The following DACH1 variants were observed in gnomAD, a reference collection of about 807,000 sequenced individuals.
DACH1 encodes the protein dachshund homolog 1.
A neutral mutation model predicts 54.2 loss-of-function variants in DACH1; 12 were observed. The ratio of observed to expected loss-of-function variants is 0.22; its 90% CI spans 0.14 to 0.36. The LOEUF is 0.36. Ranked by LOEUF, DACH1 falls within the 10% of genes least tolerant of loss-of-function variation. The probability of loss-of-function intolerance (pLI) is 1.00; values close to 1 mark genes in which losing one functional copy is unlikely to be tolerated. For missense variants in DACH1, 805 were observed against 929.8 expected, an observed-to-expected ratio of 0.87 and a Z score of 1.75; for synonymous variants, 386 against 366.2, an observed-to-expected ratio of 1.05 and a Z score of -0.62.
intron 1 of DACH1, among the ~76,000 whole-genome samples, chr13:71,809,665 T>A (rs1887636619): frequency 6.6e-6 from 1 of 152,202 alleles, no homozygotes; most frequent in African/African-American, 2.4e-5. Flanking sequence ...TGTTGCCTTT[T>A]ATATGGAACA....
At chr13:71,831,280 T>C (rs1451831591) in intron 1 of DACH1, among the ~76,000 whole-genome samples, 1 of 151,784 alleles carries the variant, frequency 6.6e-6, no homozygotes, top group East Asian at 1.9e-4. Flanking sequence ...GAATTGTTAG[T>C]TTTTCTCATG....
intron 3 of DACH1, among the ~76,000 whole-genome samples, chr13:71,617,362 T>C (rs1247476196): frequency 6.6e-6 from 1 of 152,176 alleles, no homozygotes; most frequent in African/African-American, 2.4e-5. Flanking sequence ...TCAACATTCA[T>C]GATTTACAGC....
intron 10 of DACH1, among the ~76,000 whole-genome samples, chr13:71,462,944 T>G (rs1290469118): frequency 6.6e-6 from 1 of 151,752 alleles, no homozygotes; most frequent in Non-Finnish European, 1.5e-5. Flanking sequence ...TGCGTGTGTG[T>G]GCATGTGTTT....
intron 1 of DACH1, among the ~76,000 whole-genome samples, chr13:71,848,487 C>T (rs956119612): frequency 6.6e-6 from 1 of 151,618 alleles, no homozygotes; most frequent in African/African-American, 2.4e-5. Flanking sequence ...TTTGTAAGCT[C>T]TTCTGGTAAG....
At chr13:71,665,724 T>A (rs1415502096) in intron 2 of DACH1, among the ~76,000 whole-genome samples, 1 of 152,096 alleles carries the variant, frequency 6.6e-6, no homozygotes, top group Non-Finnish European at 1.5e-5. Flanking sequence ...AATGAAAAAT[T>A]CAATTCATCT....
At chr13:71,550,347 G>A (rs1374316423) in intron 6 of DACH1, among the ~76,000 whole-genome samples, 1 of 152,058 alleles carries the variant, frequency 6.6e-6, no homozygotes. Context: ...TACAAAGAAG[G>A]TGAGAAGACA....
At chr13:71,529,338 C>T (rs1230875370) in intron 6 of DACH1, among the ~76,000 whole-genome samples, 1 of 151,994 alleles carries the variant, frequency 6.6e-6, no homozygotes, top group African/African-American at 2.4e-5. Context: ...GGGCGCTTGA[C>T]ACCACGCCCA....
intron 1 of DACH1, among the ~76,000 whole-genome samples, chr13:71,729,723 A>G (rs1883649702): frequency 6.6e-6 from 1 of 152,102 alleles, no homozygotes; most frequent in African/African-American, 2.4e-5. Flanking sequence ...GTATTGTCGA[A>G]GTTTTCAGTC....
intron 1 of DACH1, among the ~76,000 whole-genome samples, chr13:71,828,919 T>C (rs1480629312): frequency 6.6e-6 from 1 of 151,962 alleles, no homozygotes; most frequent in Non-Finnish European, 1.5e-5. Flanking sequence ...ACCCCCTTTC[T>C]ACTTTCTTCC....
At chr13:71,617,387 T>A (rs1209792092) in intron 3 of DACH1, among the ~76,000 whole-genome samples, 1 of 152,178 alleles carries the variant, frequency 6.6e-6, no homozygotes, top group Non-Finnish European at 1.5e-5. Flanking sequence ...TAATCAGAAT[T>A]CCTGGTTATT....
intron 1 of DACH1, among the ~76,000 whole-genome samples, chr13:71,719,364 T>C (rs1031022607): frequency 2.0e-5 from 3 of 152,196 alleles, no homozygotes; most frequent in African/African-American, 7.2e-5. Flanking sequence ...CATGTCTTAC[T>C]GTAGCATGTA....
chr13:71,659,862 G>T (rs1219484801), intron 2 of DACH1, among the ~76,000 whole-genome samples: 1 of 152,046 alleles, frequency 6.6e-6, no homozygotes, highest in African/African-American at 2.4e-5. Flanking sequence ...TTGGCTGTCT[G>T]ATTTTACAGC....
intron 2 of DACH1, among the ~76,000 whole-genome samples, chr13:71,640,956 A>C (rs138158892): frequency 2.0e-5 from 3 of 152,152 alleles, no homozygotes; most frequent in African/African-American, 7.2e-5. Flanking sequence ...TCCTTGTCTA[A>C]ATCCATTTCT....
intron 6 of DACH1, among the ~76,000 whole-genome samples, chr13:71,549,127 C>G (rs1374629117): frequency 6.6e-6 from 1 of 151,632 alleles, no homozygotes; most frequent in Non-Finnish European, 1.5e-5. Flanking sequence ...TAGAGATAAC[C>G]AATTCATTAA....
At chr13:71,529,183 G>GTTTTTTTT (rs10707603) in intron 6 of DACH1, among the ~76,000 whole-genome samples, 20 of 80,982 alleles carry the variant, frequency 2.5e-4, no homozygotes, top group African/African-American at 8.7e-4. Context: ...TGTGATTTGG[G>GTTTTTTTT]TTTTTTTTTT....
intron 6 of DACH1, among the ~76,000 whole-genome samples, chr13:71,541,925 G>GTTTTT (rs397720054): frequency 4.7e-5 from 5 of 105,810 alleles, no homozygotes; most frequent in African/African-American, 7.0e-5. Context: ...TATTTGCCCA[G>GTTTTT]TTTTTTTTTT....
chr13:71,865,663 C>T (rs1421050654), intron 1 of DACH1, among the ~76,000 whole-genome samples: 1 of 152,122 alleles, frequency 6.6e-6, no homozygotes, highest in South Asian at 2.1e-4. Flanking sequence ...TCCCACATCC[C>T]ACAGCAGCCC....
At position 71,439,992 on chromosome 13, in the gene DACH1, G is replaced by A. The variant is rs567959109; in HGVS notation, c.*663C>T. On this transcript the variant is annotated 3_prime_UTR_variant, in exon 11 of 11. Coordinates refer to ENST00000613252, the MANE Select transcript of DACH1 (RefSeq NM_080759.6). ...AAAAAACCTTCAGTGAAAGCTTTTGGCTTATATTCAATGCTTCTTTTCAGA... is the reference window on the plus strand; with the variant it reads ...AAAAAACCTTCAGTGAAAGCTTTTGACTTATATTCAATGCTTCTTTTCAGA... 1 of 151,152 alleles carries A rather than the reference G, an allele frequency of 6.6e-6. No individual in the cohort carries two copies. The highest frequency in any genetic ancestry group is 6.6e-5 in the Admixed American group (1 of 15,106). The allele number at this position is 151,152 out of a possible 1,614,324, so 9.4% of individuals were successfully genotyped here.
chr13:71,575,024 T>C (rs2138420009), intron 3 of DACH1, among the ~76,000 whole-genome samples: 1 of 152,122 alleles, frequency 6.6e-6, no homozygotes, highest in Middle Eastern at 3.4e-3. Flanking sequence ...TTATAACACA[T>C]TTTAAACATC....
Sources: gnomAD v4.1 joint callset for allele counts (sites outside exome capture counted in the v4.1 genomes callset) on GRCh38, gnomAD v4.1.1 for gene constraint, MANE v1.5 for transcripts, NCBI Gene and HGNC (gene_info 2026-07-23, HGNC 2026-07-21) for gene names.